TRIM64C: variants seen among roughly 807,000 people sequenced by gnomAD.
TRIM64C encodes the protein tripartite motif-containing protein 64C.
In TRIM64C, 25 loss-of-function variants were observed where a neutral mutation model predicts 36.1. That is an observed-to-expected ratio of 0.69 (90% CI 0.51 to 0.97). The LOEUF (loss-of-function observed/expected upper bound fraction) is 0.97. Among genes scored for constraint, TRIM64C ranks in the 50% least tolerant of loss-of-function variants. TRIM64C has a pLI of 0.00. For synonymous variants in TRIM64C, 212 were observed against 185.7 expected (o/e 1.14, Z -1.15); for missense variants, 489 against 536.8 (o/e 0.91, Z 0.88).
chr11:49,057,098 A>G, intron 3 of TRIM64C, 50 bp downstream of exon 3: 5 of 1,546,970 alleles, frequency 3.2e-6, no homozygotes, highest in Non-Finnish European at 3.5e-6. Flanking sequence ...TCCTGGCAGC[A>G]TTGTCCAGCA....
At position 49,058,970 on chromosome 11, in the gene TRIM64C, G is replaced by A. The variant is rs1255747139; in HGVS notation, c.143C>T (p.Ala48Val). The part of the protein sequence containing the change: ...CLCLCSEEGR[A>V]PMRCPLCRKI... Reference sequence around the variant, plus strand: ...TCTGCACAAAGGGCAGCGCATTGGTGCTCTGCCTTCTTCTGAGCAGAGGCA... The same window carrying A: ...TCTGCACAAAGGGCAGCGCATTGGTACTCTGCCTTCTTCTGAGCAGAGGCA... The change falls in exon 1 of 6, where the codon GCA becomes GTA. Residue 48 changes from alanine (A) to valine (V), a missense_variant. Transcript: ENST00000617704. 8 of 1,551,272 alleles carry A rather than the reference G, an allele frequency of 5.2e-6. No homozygotes were observed. Among genetic ancestry groups the A allele is most frequent in the Non-Finnish European group, 7.0e-6 (8 of 1,146,922 alleles).
At position 49,056,493 on chromosome 11, in the gene TRIM64C, T is replaced by C. The variant is rs1346672906; in HGVS notation, c.739-112A>G. 3 of 902,912 alleles carry C rather than the reference T, an allele frequency of 3.3e-6. No homozygotes were observed. The East Asian group carries it at 8.2e-5, about 25-fold the overall frequency. 55.9% of individuals were successfully genotyped at this position (902,912 alleles called of 1,614,324 possible). ...TGTTTTAATAATGTATATCTTTTTA[T>C]TCCCCTCTAAGGAATCATTCAAGGC... On this transcript the variant is annotated intron_variant, in intron 3 of 5. Transcript: ENST00000617704.
Position 49,053,741 on chromosome 11 carries a change from C to T in TRIM64C, c.1326G>A (p.Arg442=). ...ATGTACAACCAAAGCAAAAGAAAGGCCTCAGAGGGGAAGAGAAGGAGGAAG... is the reference window on the plus strand; with the variant it reads ...ATGTACAACCAAAGCAAAAGAAAGGTCTCAGAGGGGAAGAGAAGGAGGAAG... ...FPPSSFSSPL[R]PFFCFGCT Residue 442 remains arginine (R), a synonymous_variant, in exon 6 of 6, where the codon AGG becomes AGA. Coordinates refer to ENST00000617704, the MANE Select transcript of TRIM64C (RefSeq NM_001206631.1). 1 of 1,550,322 alleles carries T rather than the reference C, an allele frequency of 6.5e-7. No homozygotes were observed. The highest frequency in any genetic ancestry group is 8.7e-7 in the Non-Finnish European group (1 of 1,146,824).
chr11:49,055,388 G>T lies in TRIM64C; in HGVS notation c.781C>A (p.Pro261Thr). 6.6e-7 allele frequency: 1 copy of T among 1,525,404 alleles called. No individual in the cohort carries two copies. Among genetic ancestry groups the T allele is most frequent in the Non-Finnish European group, 8.7e-7 (1 of 1,144,544 alleles). The allele number at this position is 1,525,404 out of a possible 1,614,324, so 94.5% of individuals were successfully genotyped here. A position where few individuals can be genotyped will look rare whatever the true frequency, so the allele number is the denominator to read the frequency against. Residue 261 changes from proline to threonine, a missense_variant, in exon 5 of 6, where the codon CCA (proline) becomes ACA (threonine). Physicochemically the swap from Pro to Thr is conservative, Grantham distance 38. Coordinates refer to ENST00000617704, the MANE Select transcript of TRIM64C (RefSeq NM_001206631.1). ...ISARTDLAQM[P>T]KPQPVNPELT... The stretch of plus-strand genomic sequence containing the variant: ...TCTGGGTTCACTGGCTGGGGCTTTG[G>T]CATCTGTGCCAAATCAGTTCTGCAA...
chr11:49,058,030 C>G (rs1329156712), intron 2 of TRIM64C, 48 bp downstream of exon 2: 6 of 1,321,776 alleles, frequency 4.5e-6, no homozygotes, highest in Non-Finnish European at 6.2e-6. Context: ...TATAAGCCAA[C>G]TTTGTGTTTA....
At chr11:49,057,654 C>G (rs1011066879) in intron 2 of TRIM64C, 2 of 499,354 alleles carry the variant, frequency 4.0e-6, no homozygotes, top group Non-Finnish European at 7.1e-6. Context: ...ATTAATCTCT[C>G]TTTCAGGATT....
intron 5 of TRIM64C, among the ~76,000 whole-genome samples, chr11:49,054,794 C>A (rs993946092): frequency 1.3e-5 from 2 of 152,106 alleles, no homozygotes; most frequent in Non-Finnish European, 2.9e-5. Context: ...TTCACAGATC[C>A]CTCACCTTTC....
In TRIM64C at chr11:49,053,735, G is replaced by C. The variant is rs1854774428; in HGVS notation, c.1332C>G (p.Phe444Leu). 1 of 1,550,020 alleles carries C rather than the reference G, an allele frequency of 6.5e-7. No individual in the cohort carries two copies. The highest frequency in any genetic ancestry group is 8.7e-7 in the Non-Finnish European group (1 of 1,146,786). Residue 444 changes from phenylalanine (F) to leucine (L), a missense_variant, in exon 6 of 6, where the codon TTC (phenylalanine) becomes TTG (leucine). Phe to Leu is a conservative substitution (Grantham distance 22). Coordinates refer to ENST00000617704, the MANE Select transcript of TRIM64C (RefSeq NM_001206631.1). ...CTTTTCATGTACAACCAAAGCAAAA[G>C]AAAGGCCTCAGAGGGGAAGAGAAGG... is the stretch of plus-strand genomic sequence containing the variant. ...PSSFSSPLRP[F>L]FCFGCT
At position 49,054,122 on chromosome 11, in the gene TRIM64C, A is replaced by G; in HGVS notation, c.945T>C (p.His315=). 1 of 1,551,578 alleles carries G rather than the reference A, an allele frequency of 6.4e-7. No individual in the cohort carries two copies. The highest frequency in any genetic ancestry group is 1.7e-4 in the Middle Eastern group (1 of 5,988). Residue 315 remains histidine, a synonymous_variant, in exon 6 of 6, where the codon CAT becomes CAC. Coordinates refer to ENST00000617704, the MANE Select transcript of TRIM64C (RefSeq NM_001206631.1). ...DVRRVIFGDD[H]RSAPMDPQGV... ...CTTGGGGATCCATGGGTGCACTGCG[A>G]TGGTCATCTCCAAATATCACACGTC...
chr11:49,058,980 C>T lies in TRIM64C; in HGVS notation c.133G>A (p.Glu45Lys), dbSNP rs1357933508. 1 of 1,551,480 alleles carries T rather than the reference C, an allele frequency of 6.4e-7. No individual in the cohort carries two copies. The highest frequency in any genetic ancestry group is 8.7e-7 in the Non-Finnish European group (1 of 1,146,934). ...CRPCLCLCSE[E>K]GRAPMRCPLC... ...GGGCAGCGCATTGGTGCTCTGCCTT[C>T]TTCTGAGCAGAGGCAGAGGCAGGGC... Residue 45 changes from glutamate (E) to lysine (K), a missense_variant, in exon 1 of 6, where the codon GAA becomes AAA. Coordinates refer to ENST00000617704, the MANE Select transcript of TRIM64C (RefSeq NM_001206631.1).
intron 4 of TRIM64C, among the ~76,000 whole-genome samples, chr11:49,055,720 A>T (rs1301574019): frequency 6.6e-6 from 1 of 152,210 alleles, no homozygotes; most frequent in Non-Finnish European, 1.5e-5. Context: ...GAAATATTTC[A>T]GAGAGCAGAA....
chr11:49,057,703 A>G (rs1311651735), intron 2 of TRIM64C: 3 of 465,226 alleles, frequency 6.4e-6, no homozygotes, highest in African/African-American at 6.1e-5. Context: ...AAAAACATTT[A>G]GCCATGCACC....
intron 5 of TRIM64C, among the ~76,000 whole-genome samples, chr11:49,054,491 T>A (rs1339569404): frequency 1.3e-5 from 2 of 152,234 alleles, no homozygotes; most frequent in Non-Finnish European, 1.5e-5. Flanking sequence ...ATATCTAAAA[T>A]GTTTTTTTTC....
At position 49,057,129 on chromosome 11, in the gene TRIM64C, A is replaced by G. The variant is rs1331267175; in HGVS notation, c.738+19T>C. The G allele has an allele frequency of 1.3e-6, 2 of 1,548,926 alleles. No homozygotes were observed. Among genetic ancestry groups the G allele is most frequent in the African/African-American group, 1.4e-5 (1 of 72,578 alleles). On this transcript the variant is annotated intron_variant, in intron 3 of 5. Coordinates refer to ENST00000617704, the MANE Select transcript of TRIM64C (RefSeq NM_001206631.1). ...CAGCAAAGGCTTCCTGTCTCTGAGGATGGACCCTCCCTCCTCACCTGGAGC... is the reference window on the plus strand; with the variant it reads ...CAGCAAAGGCTTCCTGTCTCTGAGGGTGGACCCTCCCTCCTCACCTGGAGC...
rs1384356132 is a variant in TRIM64C at position 49,054,111 on chromosome 11, G to A, written c.956C>T (p.Pro319Leu). The A allele has an allele frequency of 1.3e-6, 2 of 1,551,518 alleles. No homozygotes were observed. The highest frequency in any genetic ancestry group is 2.0e-5 in the Admixed American group (1 of 50,990). ...GCTCTCCACTCCTTGGGGATCCATG[G>A]GTGCACTGCGATGGTCATCTCCAAA... ...VIFGDDHRSA[P>L]MDPQGVESFA... Residue 319 changes from proline (P) to leucine (L), a missense_variant, in exon 6 of 6, where the codon CCC becomes CTC. By Grantham distance (98) the Pro-to-Leu change is moderately conservative (BLOSUM62 -3). Coordinates refer to ENST00000617704, the MANE Select transcript of TRIM64C (RefSeq NM_001206631.1).
At chr11:49,055,675 C>T (rs1854804679) in intron 4 of TRIM64C, among the ~76,000 whole-genome samples, 1 of 152,130 alleles carries the variant, frequency 6.6e-6, no homozygotes, top group African/African-American at 2.4e-5. Flanking sequence ...CCTCCCTCTG[C>T]CCATCACACC....
chr11:49,058,879 T>C lies in TRIM64C; in HGVS notation c.234A>G (p.Arg78=). ...VALKKLASLA[R]QTRPQNINSS... Reference sequence around the variant, plus strand: ...TGTTGATGTTCTGAGGTCTGGTCTGTCTGGCTAGGGAAGCCAGCTTTTTGA... The same window carrying C: ...TGTTGATGTTCTGAGGTCTGGTCTGCCTGGCTAGGGAAGCCAGCTTTTTGA... The change falls in exon 1 of 6, where the codon AGA becomes AGG. Residue 78 remains arginine (R), a synonymous_variant. Coordinates refer to ENST00000617704, the MANE Select transcript of TRIM64C (RefSeq NM_001206631.1). 1.3e-6 allele frequency: 2 copies of C among 1,550,222 alleles called. No homozygotes were observed. Among genetic ancestry groups the C allele is most frequent in the Non-Finnish European group, 8.7e-7 (1 of 1,146,944 alleles).
In TRIM64C at chr11:49,055,298, G is replaced by A. The variant is rs754815899; in HGVS notation, c.859+12C>T. 3 of 1,535,686 alleles carry A rather than the reference G, an allele frequency of 2.0e-6. No individual in the cohort carries two copies. The South Asian group carries it at 3.6e-5, about 18-fold the overall frequency. On this transcript the variant is annotated intron_variant, in intron 5 of 5. Transcript: ENST00000617704. The stretch of plus-strand genomic sequence containing the variant: ...TAATTTGAGGCTGGACTGCCAAGCA[G>A]CTGGCTCTTGCCTCTGAAGTTGTTG...
Position 49,054,061 on chromosome 11 carries a change from A to G in TRIM64C, c.1006T>C (p.Phe336Leu). Residue 336 changes from phenylalanine (F) to leucine (L), a missense_variant, in exon 6 of 6, where the codon TTC becomes CTC. By Grantham distance (22) the Phe-to-Leu change is conservative. Transcript: ENST00000617704. The stretch of plus-strand genomic sequence containing the variant: ...TCCCAGTAATGCTTGCCGGAGGTGA[A>G]TGCTTGCGCACACCACACAGCAAAG... ...ESFAVWCAQA[F>L]TSGKHYWEVD... is the part of the protein sequence containing the mutation. 2 of 1,551,578 alleles carry G rather than the reference A, an allele frequency of 1.3e-6. No homozygotes were observed. The highest frequency in any genetic ancestry group is 1.7e-6 in the Non-Finnish European group (2 of 1,146,834).
Sources: gnomAD v4.1 joint callset for allele counts (sites outside exome capture counted in the v4.1 genomes callset) on GRCh38, gnomAD v4.1.1 for gene constraint, MANE v1.5 for transcripts, NCBI Gene and HGNC (gene_info 2026-07-23, HGNC 2026-07-21) for gene names.